The following PRR5L variants were observed in gnomAD, a reference collection of about 807,000 sequenced individuals.
The protein encoded by PRR5L is proline rich 5 like.
Under a neutral mutation model 36.4 loss-of-function variants are expected in PRR5L, and 21 were observed. The ratio of observed to expected loss-of-function variants is 0.58; its 90% CI spans 0.41 to 0.83. PRR5L has a LOEUF of 0.83. Among genes scored for constraint, PRR5L ranks in the 40% least tolerant of loss-of-function variants. PRR5L has a pLI of 0.00. For synonymous variants in PRR5L, 188 were observed against 197.0 expected (o/e 0.95, Z 0.38); for missense variants, 381 against 473.3 (o/e 0.80, Z 1.81).
chr11:36,363,514 T>C (rs1565417587), intron 1 of PRR5L, among the ~76,000 whole-genome samples: 3 of 152,212 alleles, frequency 2.0e-5, no homozygotes, highest in Non-Finnish European at 4.4e-5. Flanking sequence ...CCCCTTCTGA[T>C]AATAAATGAC....
At chr11:36,399,722 T>C (rs1371243919) in intron 1 of PRR5L, among the ~76,000 whole-genome samples, 2 of 152,272 alleles carry the variant, frequency 1.3e-5, no homozygotes, top group Non-Finnish European at 2.9e-5. Context: ...TGTTTCCTTT[T>C]GTCCTTCACT....
rs755502225 is a variant in PRR5L at position 36,437,394 on chromosome 11, G to A, written c.362G>A (p.Arg121His). The A allele has an allele frequency of 1.2e-5, 19 of 1,608,530 alleles. No homozygotes were observed. Among genetic ancestry groups the A allele is most frequent in the Admixed American group, 5.0e-5 (3 of 60,008 alleles). ...EKIKLCEGENRIEVLAEVWDH... is the reference protein window; with the variant it reads ...EKIKLCEGENHIEVLAEVWDH... Reference sequence around the variant, plus strand: ...TCTCGCCCTCTTGTAGGTGAAAATCGCATTGAGGTTCTGGCTGAAGTCTGG... The same window carrying A: ...TCTCGCCCTCTTGTAGGTGAAAATCACATTGAGGTTCTGGCTGAAGTCTGG... Residue 121 changes from arginine to histidine, a missense_variant, in exon 6 of 9, where the codon CGC becomes CAC. Coordinates refer to ENST00000530639, the MANE Select transcript of PRR5L (RefSeq NM_001160167.2).
At chr11:36,449,521 G>A (rs547480377) in intron 7 of PRR5L, among the ~76,000 whole-genome samples, 150 of 152,314 alleles carry the variant, frequency 9.8e-4, no homozygotes, top group African/African-American at 3.2e-3. Flanking sequence ...AGGCAGAATC[G>A]GAGATATTGA....
At chr11:36,306,437 G>C (rs1856432826) in intron 1 of PRR5L, among the ~76,000 whole-genome samples, 1 of 152,112 alleles carries the variant, frequency 6.6e-6, no homozygotes, top group African/African-American at 2.4e-5. Context: ...TGGCTGCATA[G>C]TATTTCATGG....
At chr11:36,412,328 C>A (rs554521091) in intron 3 of PRR5L, among the ~76,000 whole-genome samples, 1 of 152,174 alleles carries the variant, frequency 6.6e-6, no homozygotes, top group Non-Finnish European at 1.5e-5. Flanking sequence ...TGGTGTCCAG[C>A]ACCCAGCAAG....
chr11:36,296,610 G>A (rs186515399), intron 1 of PRR5L, among the ~76,000 whole-genome samples, 172 bp downstream of exon 1: 111 of 152,318 alleles, frequency 7.3e-4, no homozygotes, highest in African/African-American at 2.6e-3. Flanking sequence ...AAGTTCAGCA[G>A]CCTCCCAGTT....
intron 1 of PRR5L, among the ~76,000 whole-genome samples, chr11:36,332,610 G>A (rs1232031328): frequency 6.6e-6 from 1 of 152,168 alleles, no homozygotes; most frequent in Non-Finnish European, 1.5e-5. Context: ...ATCCCCAGTG[G>A]TGGAGGTGGG....
Position 36,350,949 on chromosome 11 carries a change from TATTTATATATATTTATATATTTA to T in PRR5L, c.-125-50047_-125-50025del, listed in dbSNP as rs1565406424. 1.2e-3 allele frequency among the ~76,000 whole-genome samples: 36 copies of T among 29,816 alleles called. 2 individuals carry two copies. The highest frequency in any genetic ancestry group is 2.7e-3 in the South Asian group (3 of 1,096). 19.6% of individuals were successfully genotyped at this position (29,816 alleles called of 152,430 possible). ...ATATATTTATATATTTATATATATA[TATTTATATATATTTATATATTTA>T]TATATATTTATATATTTATATATTT... On this transcript the variant is annotated intron_variant, in intron 1 of 8. Transcript: ENST00000530639.
chr11:36,374,259 T>A (rs935603226), intron 1 of PRR5L, among the ~76,000 whole-genome samples: 2 of 151,986 alleles, frequency 1.3e-5, no homozygotes, highest in African/African-American at 4.8e-5. Flanking sequence ...CATGCCCGGC[T>A]AATTTTTGTA....
At chr11:36,334,333 A>T (rs1445211641) in intron 1 of PRR5L, among the ~76,000 whole-genome samples, 1 of 152,088 alleles carries the variant, frequency 6.6e-6, no homozygotes, top group Non-Finnish European at 1.5e-5. Flanking sequence ...ATCTGATTGT[A>T]TTTCCCTCTC....
chr11:36,448,125 G>A (rs1233238873), intron 7 of PRR5L, among the ~76,000 whole-genome samples: 1 of 152,126 alleles, frequency 6.6e-6, no homozygotes, highest in Non-Finnish European at 1.5e-5. Flanking sequence ...GCTGGAACAG[G>A]AGGGCCTGTG....
rs114034259 is a variant in PRR5L at position 36,435,253 on chromosome 11, G to A, written c.353-2132G>A. Among the ~76,000 whole-genome samples the A allele has an allele frequency of 7.6e-3, 1,154 of 152,184 alleles. 16 individuals are homozygous for A. The highest frequency in any genetic ancestry group is 0.026 in the African/African-American group (1,068 of 41,528). On this transcript the variant is annotated intron_variant, in intron 5 of 8. Transcript: ENST00000530639. The stretch of plus-strand genomic sequence containing the variant: ...CTATATTTGAAAGAGGATGGTGACT[G>A]CTTCAATCAAATGTTTATTTGATTA...
At chr11:36,298,914 A>C (rs752760249) in intron 1 of PRR5L, among the ~76,000 whole-genome samples, 2 of 152,192 alleles carry the variant, frequency 1.3e-5, no homozygotes, top group Non-Finnish European at 2.9e-5. Flanking sequence ...TCCTCTTCTT[A>C]TAAGGACAGC....
intron 1 of PRR5L, among the ~76,000 whole-genome samples, chr11:36,348,836 T>C (rs1330087243): frequency 1.3e-5 from 2 of 152,142 alleles, no homozygotes; most frequent in Admixed American, 6.5e-5. Flanking sequence ...TGATGAGCAG[T>C]GGAGTTCAGA....
chr11:36,336,699 A>AT (rs1856772297), intron 1 of PRR5L, among the ~76,000 whole-genome samples: 1 of 151,818 alleles, frequency 6.6e-6, no homozygotes. Context: ...AAAAGCATGT[A>AT]TTTTTCTAAG....
chr11:36,317,590 C>T (rs944435050), intron 1 of PRR5L, among the ~76,000 whole-genome samples: 6 of 152,142 alleles, frequency 3.9e-5, no homozygotes, highest in Non-Finnish European at 1.5e-5. Context: ...CATAATATGC[C>T]TAGGAGTAGA....
chr11:36,336,247 A>G (rs1419706593), intron 1 of PRR5L, among the ~76,000 whole-genome samples: 1 of 152,056 alleles, frequency 6.6e-6, no homozygotes, highest in Non-Finnish European at 1.5e-5. Flanking sequence ...GTTTTTTTTA[A>G]TTTGAGATGA....
At chr11:36,309,239 C>T (rs1014480537) in intron 1 of PRR5L, among the ~76,000 whole-genome samples, 1 of 152,104 alleles carries the variant, frequency 6.6e-6, no homozygotes, top group South Asian at 2.1e-4. Context: ...TGTTTTCTGA[C>T]CTATTCTCAC....
At chr11:36,411,069 G>A (rs12789455) in intron 3 of PRR5L, among the ~76,000 whole-genome samples, 10,335 of 152,262 alleles carry the variant, frequency 0.068, 428 homozygotes, top group African/African-American at 0.12. Context: ...TGGCTAACCT[G>A]CAGCACTTCT....
Sources: allele counts gnomAD v4.1 joint callset (sites outside exome capture counted in the v4.1 genomes callset), GRCh38; gene constraint gnomAD v4.1.1; transcripts MANE v1.5; gene names NCBI Gene and HGNC (gene_info 2026-07-23, HGNC 2026-07-21).